Variants in ITGA9 observed in about 807,000 individuals in gnomAD.
ITGA9 encodes integrin alpha-9.
In ITGA9, 56 loss-of-function variants were observed where a neutral mutation model predicts 127.8. That is an observed-to-expected ratio of 0.44 (90% CI 0.35 to 0.55). The LOEUF is 0.55. ITGA9 is among the 20% of genes least tolerant of loss of function. ITGA9 has a pLI of 0.00. For missense variants in ITGA9, 1,196 were observed against 1,347.1 expected (o/e 0.89, Z 1.76); for synonymous variants, 508 against 514.5 (o/e 0.99, Z 0.17).
intron 17 of ITGA9, among the ~76,000 whole-genome samples, chr3:37,660,162 A>G (rs1469613438): frequency 6.6e-6 from 1 of 152,246 alleles, no homozygotes; most frequent in Non-Finnish European, 1.5e-5. Flanking sequence ...GTTTCACATT[A>G]GTACGAAGGA....
intron 15 of ITGA9, among the ~76,000 whole-genome samples, chr3:37,614,765 T>C (rs933175975): frequency 6.6e-6 from 1 of 152,024 alleles, no homozygotes; most frequent in Non-Finnish European, 1.5e-5. Flanking sequence ...GGCTCTCTGT[T>C]TGTCTGTTAT....
chr3:37,775,823 C>G (rs1696900565), intron 23 of ITGA9, among the ~76,000 whole-genome samples: 1 of 152,138 alleles, frequency 6.6e-6, no homozygotes, highest in Non-Finnish European at 1.5e-5. Flanking sequence ...CATCCCATTA[C>G]TGGGTATATA....
At chr3:37,562,367 A>G (rs979667526) in intron 15 of ITGA9, among the ~76,000 whole-genome samples, 3 of 152,118 alleles carry the variant, frequency 2.0e-5, no homozygotes, top group Non-Finnish European at 2.9e-5. Context: ...TTACTAGTTC[A>G]TTTTGGAACT....
At chr3:37,595,388 A>G (rs534553971) in intron 15 of ITGA9, among the ~76,000 whole-genome samples, 1 of 152,224 alleles carries the variant, frequency 6.6e-6, no homozygotes, top group Non-Finnish European at 1.5e-5. Context: ...TCCGGTGGCC[A>G]GGGACCAGAT....
intron 15 of ITGA9, among the ~76,000 whole-genome samples, chr3:37,587,284 CT>C (rs1416686617): frequency 4.6e-5 from 7 of 152,188 alleles, no homozygotes; most frequent in Non-Finnish European, 8.8e-5. Context: ...TTCTCCAGAA[CT>C]GAGTATGCAA....
chr3:37,643,784 G>A (rs957163880), intron 16 of ITGA9, among the ~76,000 whole-genome samples: 4 of 152,118 alleles, frequency 2.6e-5, no homozygotes, highest in Non-Finnish European at 4.4e-5. Context: ...CTTATACCTG[G>A]AGCCTTATTT....
rs907803890 is a variant in ITGA9 at position 37,590,617 on chromosome 3, A to G, written c.1690-38570A>G. ...TCCAGACACCCTCCAAGAGATACCC[A>G]CCCTGCCCCTTGGCACTGGCTTGGG... On this transcript the variant is annotated intron_variant, in intron 15 of 27. Coordinates refer to ENST00000264741, the MANE Select transcript of ITGA9 (RefSeq NM_002207.3). 2.6e-5 allele frequency among the ~76,000 whole-genome samples: 4 copies of G among 151,366 alleles called. No homozygotes were observed. In the East Asian group the frequency reaches 5.8e-4, roughly 22 times the overall value.
chr3:37,497,541 C>T (rs146640903), intron 5 of ITGA9, among the ~76,000 whole-genome samples: 47 of 152,198 alleles, frequency 3.1e-4, no homozygotes, highest in African/African-American at 1.0e-3. Flanking sequence ...AAAAAGATTT[C>T]GATCTTTAAT....
chr3:37,642,354 A>T (rs1418375388), intron 16 of ITGA9, among the ~76,000 whole-genome samples: 1 of 152,210 alleles, frequency 6.6e-6, no homozygotes. Context: ...GAAGGGATCT[A>T]TTTTATCTTA....
In ITGA9 at chr3:37,629,805, T is replaced by C. The variant is rs1245928879; in HGVS notation, c.1839+469T>C. ...CTGGAAACCAGAGCACTGGGGCAAG[T>C]ACAGGTGGTCCACACTCATCAGATT... is the stretch of plus-strand genomic sequence containing the variant. On this transcript the variant is annotated intron_variant, in intron 16 of 27. Transcript: ENST00000264741. The surrounding 1 kb of genome is among the most constrained non-coding windows in gnomAD (Gnocchi z 4.5). Among the ~76,000 whole-genome samples, 1 of 152,210 alleles carries C rather than the reference T, an allele frequency of 6.6e-6. No homozygotes were observed. The highest frequency in any genetic ancestry group is 1.5e-5 in the Non-Finnish European group (1 of 68,036).
intron 15 of ITGA9, among the ~76,000 whole-genome samples, chr3:37,567,067 C>G (rs1250226720): frequency 1.3e-5 from 2 of 152,124 alleles, no homozygotes; most frequent in Non-Finnish European, 2.9e-5. Flanking sequence ...GATGTGTAGT[C>G]TGTTTTCACA....
rs1697529583 is a variant in ITGA9 at position 37,822,799 on chromosome 3, G to A, written c.*3810G>A. The A allele has an allele frequency of 6.6e-6, 1 of 152,154 alleles. No homozygotes were observed. The highest frequency in any genetic ancestry group is 6.6e-5 in the Admixed American group (1 of 15,258). 9.4% of individuals were successfully genotyped at this position (152,154 alleles called of 1,614,324 possible). On this transcript the variant is annotated 3_prime_UTR_variant, in exon 28 of 28. Transcript: ENST00000264741. ...AGGTTATTTATGACTTTTATTTTTG[G>A]GTAAGGCATTATGGCCAGGTGCATG...
intron 15 of ITGA9, among the ~76,000 whole-genome samples, chr3:37,606,416 A>G (rs1244314949): frequency 6.6e-6 from 1 of 152,170 alleles, no homozygotes; most frequent in Non-Finnish European, 1.5e-5. Flanking sequence ...TCAGGGTAGA[A>G]GAACTGATTT....
In ITGA9 at chr3:37,474,722, CAA is replaced by C. The variant is rs1698474599; in HGVS notation, c.420+1263_420+1264del. ...GATTTTTGTTATAAAAGCGTAAGCTCAAGAGGGGAAAGTAATACTAGCTGCCG... is the reference window on the plus strand; with the variant it reads ...GATTTTTGTTATAAAAGCGTAAGCTCGAGGGGAAAGTAATACTAGCTGCCG... On this transcript the variant is annotated intron_variant, in intron 3 of 27. Transcript: ENST00000264741. 2.0e-5 allele frequency among the ~76,000 whole-genome samples: 3 copies of C among 152,296 alleles called. No homozygotes were observed. In the South Asian group the frequency reaches 6.2e-4, roughly 32 times the overall value.
intron 16 of ITGA9, among the ~76,000 whole-genome samples, chr3:37,632,575 G>A (rs1377834917): frequency 6.6e-6 from 1 of 152,152 alleles, no homozygotes; most frequent in Admixed American, 6.5e-5. Context: ...GAGTTAAAGA[G>A]GGAGACTATT....
chr3:37,513,995 G>T, intron 9 of ITGA9, 95 bp downstream of exon 9: 2 of 1,443,548 alleles, frequency 1.4e-6, no homozygotes, highest in Non-Finnish European at 1.9e-6. Context: ...CGGCACTGGG[G>T]GCAATGTTAC....
intron 16 of ITGA9, among the ~76,000 whole-genome samples, chr3:37,633,057 T>A (rs1700242577): frequency 6.6e-6 from 1 of 152,046 alleles, no homozygotes; most frequent in South Asian, 2.1e-4. Flanking sequence ...CTCTCAAAAG[T>A]CTAATGACAA....
intron 22 of ITGA9, among the ~76,000 whole-genome samples, chr3:37,744,954 A>T (rs555923512): frequency 6.6e-6 from 1 of 152,272 alleles, no homozygotes; most frequent in African/African-American, 2.4e-5. Context: ...AGTGAAGGAG[A>T]TGGGCCCAAC....
At chr3:37,545,987 A>G (rs912696577) in intron 15 of ITGA9, among the ~76,000 whole-genome samples, 3 of 152,130 alleles carry the variant, frequency 2.0e-5, no homozygotes, top group African/African-American at 7.2e-5. Flanking sequence ...ACCATCTACC[A>G]CCTGCATGAT....
Sources: allele counts gnomAD v4.1 joint callset (sites outside exome capture counted in the v4.1 genomes callset), GRCh38; gene constraint gnomAD v4.1.1; non-coding constraint Gnocchi (gnomAD v3.1); transcripts MANE v1.5; gene names NCBI Gene and HGNC (gene_info 2026-07-23, HGNC 2026-07-21).